Variants in ROCK1 observed in about 807,000 individuals in gnomAD.
ROCK1 encodes rho-associated protein kinase 1.
In ROCK1, 36 loss-of-function variants were observed where a neutral mutation model predicts 196.8. That is an observed-to-expected ratio of 0.18 (90% CI 0.14 to 0.24). The LOEUF (loss-of-function observed/expected upper bound fraction) is 0.24. ROCK1 is among the 10% of genes least tolerant of loss of function. The pLI, the probability that ROCK1 is intolerant of heterozygous loss-of-function variation, is 1.00. For synonymous variants in ROCK1, 443 were observed against 515.9 expected (o/e 0.86, Z 1.91); for missense variants, 920 against 1,562.0 (o/e 0.59, Z 6.93).
Position 21,008,051 on chromosome 18 carries a change from C to T in ROCK1, c.1546+8G>A, listed in dbSNP as rs191966887. On this transcript the variant is annotated splice_region_variant and intron_variant, in intron 14 of 32. Transcript: ENST00000399799. ...TTCTATCATTTTTCAAAAGTAGTGA[C>T]AATTTACCTTCATTTTCTACATTTC... The T allele has an allele frequency of 1.9e-5, 30 of 1,582,232 alleles. No individual in the cohort carries two copies. Among genetic ancestry groups the T allele is most frequent in the Non-Finnish European group, 2.5e-5 (29 of 1,165,116 alleles).
chr18:21,010,808 C>A (rs1420182935), intron 13 of ROCK1, among the ~76,000 whole-genome samples: 1 of 152,162 alleles, frequency 6.6e-6, no homozygotes, highest in African/African-American at 2.4e-5. Context: ...ATGGATTGGT[C>A]TATTTAACCT....
At chr18:21,063,365 C>G (rs1273287623) in intron 2 of ROCK1, among the ~76,000 whole-genome samples, 1 of 152,020 alleles carries the variant, frequency 6.6e-6, no homozygotes, top group African/African-American at 2.4e-5. Context: ...ATCCATGAAG[C>G]CTAGATAACC....
chr18:21,024,010 G>A (rs1156648382), intron 10 of ROCK1, among the ~76,000 whole-genome samples: 4 of 152,142 alleles, frequency 2.6e-5, no homozygotes, highest in Admixed American at 2.0e-4. Context: ...GGTCATGAGA[G>A]CAGGTTATGA....
chr18:20,954,153 AAAG>A (rs1312096769), intron 31 of ROCK1, among the ~76,000 whole-genome samples: 2 of 134,496 alleles, frequency 1.5e-5, no homozygotes, highest in East Asian at 4.1e-4. Flanking sequence ...TGCCAGACAA[AAAG>A]AAGAGGAAAA....
In ROCK1 at chr18:20,987,113, G is replaced by A. The variant is rs45474902; in HGVS notation, c.2144-3C>T. On this transcript the variant is annotated splice_region_variant and splice_polypyrimidine_tract_variant and intron_variant, in intron 18 of 32. Transcript: ENST00000399799. Reference sequence around the variant, plus strand: ...TTCTTTCAGCTTTTTTTCCATCTCTGGGAAAGCAAAAAGTTACAAACATAC... The same window carrying A: ...TTCTTTCAGCTTTTTTTCCATCTCTAGGAAAGCAAAAAGTTACAAACATAC... The A allele has an allele frequency of 4.4e-6, 7 of 1,608,852 alleles. No homozygotes were observed. Among genetic ancestry groups the A allele is most frequent in the Non-Finnish European group, 5.9e-6 (7 of 1,178,686 alleles).
At chr18:21,028,354 T>C (rs2035978692) in intron 10 of ROCK1, among the ~76,000 whole-genome samples, 1 of 151,830 alleles carries the variant, frequency 6.6e-6, no homozygotes, top group South Asian at 2.1e-4. Flanking sequence ...AGGTGGAGGT[T>C]GCAGTGAGCA....
At chr18:21,093,047 G>A (rs764381583) in intron 1 of ROCK1, among the ~76,000 whole-genome samples, 1 of 152,138 alleles carries the variant, frequency 6.6e-6, no homozygotes, top group African/African-American at 2.4e-5. Flanking sequence ...TCCAAGACTG[G>A]AGCACATGAT....
intron 9 of ROCK1, among the ~76,000 whole-genome samples, chr18:21,037,548 A>G (rs2036068004): frequency 6.6e-6 from 1 of 152,146 alleles, no homozygotes; most frequent in Non-Finnish European, 1.5e-5. Context: ...GGGGAAGGGA[A>G]GCAAAGAACA....
rs1269004051 is a variant in ROCK1 at position 20,959,164 on chromosome 18, TTATATAATATATATAATATTA to T, written c.3512+655_3512+675del. ...TTATATAAAATATATATATTATATATTATATAATATATATAATATTATATATAATATATATAATACATATAA... is the reference window on the plus strand; with the variant it reads ...TTATATAAAATATATATATTATATATTATATAATATATATAATACATATAA... On this transcript the variant is annotated intron_variant, in intron 29 of 32. Coordinates refer to ENST00000399799, the MANE Select transcript of ROCK1 (RefSeq NM_005406.3). Among the ~76,000 whole-genome samples, 302 of 72,744 alleles carry T rather than the reference TTATATAATATATATAATATTA, an allele frequency of 4.2e-3. 1 individual carries two copies. Among genetic ancestry groups the T allele is most frequent in the Middle Eastern group, 5.7e-3 (1 of 174 alleles). The allele number at this position is 72,744 out of a possible 152,430, so 47.7% of individuals were successfully genotyped here.
At chr18:20,986,656 T>C (rs2035580877) in intron 19 of ROCK1, among the ~76,000 whole-genome samples, 1 of 152,224 alleles carries the variant, frequency 6.6e-6, no homozygotes, top group South Asian at 2.1e-4. Flanking sequence ...ATAAAGACTT[T>C]TTTTTTCTTT....
intron 1 of ROCK1, among the ~76,000 whole-genome samples, chr18:21,086,111 A>AT (rs34919797): frequency 9.0e-6 from 1 of 111,114 alleles, no homozygotes; most frequent in East Asian, 2.5e-4. Context: ...TATGGAAATA[A>AT]TTTTTTTTTT....
At chr18:21,037,752 C>T (rs1238070191) in intron 9 of ROCK1, among the ~76,000 whole-genome samples, 1 of 152,092 alleles carries the variant, frequency 6.6e-6, no homozygotes, top group African/African-American at 2.4e-5. Context: ...TGCCACTGAT[C>T]TGGACTCCCT....
chr18:21,030,340 G>A (rs1261109534), intron 9 of ROCK1, among the ~76,000 whole-genome samples: 1 of 152,050 alleles, frequency 6.6e-6, no homozygotes, highest in Non-Finnish European at 1.5e-5. Context: ...TCATTAATGG[G>A]AAAAAAGGTG....
At chr18:21,016,883 C>T (rs117005850) in intron 12 of ROCK1, among the ~76,000 whole-genome samples, 3 of 151,488 alleles carry the variant, frequency 2.0e-5, no homozygotes, top group Non-Finnish European at 2.9e-5. Flanking sequence ...TTAGCCCCCC[C>T]GCAAAAAAAA....
At chr18:21,058,285 AC>A (rs1331031562) in intron 2 of ROCK1, among the ~76,000 whole-genome samples, 2 of 152,202 alleles carry the variant, frequency 1.3e-5, no homozygotes, top group Non-Finnish European at 1.5e-5. Context: ...AATGAAAAAA[AC>A]AAAAGATGTA....
intron 1 of ROCK1, among the ~76,000 whole-genome samples, chr18:21,096,074 C>T (rs967759881): frequency 2.0e-5 from 3 of 151,944 alleles, no homozygotes; most frequent in African/African-American, 4.8e-5. Context: ...ACTCCATTTA[C>T]CCTGATGTGA....
chr18:21,026,526 TAC>T (rs1226720635), intron 10 of ROCK1, among the ~76,000 whole-genome samples: 1 of 146,406 alleles, frequency 6.8e-6, no homozygotes, highest in Non-Finnish European at 1.5e-5. Context: ...GTTAATTGAA[TAC>T]AGTTATAATA....
chr18:20,990,159 G>T (rs2035611150), intron 18 of ROCK1, among the ~76,000 whole-genome samples: 1 of 152,122 alleles, frequency 6.6e-6, no homozygotes, highest in Non-Finnish European at 1.5e-5. Context: ...ACACTCAACT[G>T]CCTGAAGAAA....
rs1425432145 is a variant in ROCK1, at chr18:21,110,982, C to G, written c.-72G>C. On this transcript the variant is annotated 5_prime_UTR_variant, in exon 1 of 33. Transcript: ENST00000399799. ...AAGCAATTTCAACCAACTTCCTCCGCGGTGGGTTCGCAGCCGCGGGGCGGA... is the reference window on the plus strand; with the variant it reads ...AAGCAATTTCAACCAACTTCCTCCGGGGTGGGTTCGCAGCCGCGGGGCGGA... The G allele has an allele frequency of 6.1e-6, 8 of 1,303,158 alleles. No homozygotes were observed. Among genetic ancestry groups the G allele is most frequent in the Non-Finnish European group, 8.9e-6 (8 of 903,590 alleles). The allele number at this position is 1,303,158 out of a possible 1,614,324, so 80.7% of individuals were successfully genotyped here. A position where few individuals can be genotyped will look rare whatever the true frequency, so the allele number is the denominator to read the frequency against.
Sources: gnomAD v4.1 joint callset for allele counts (sites outside exome capture counted in the v4.1 genomes callset) on GRCh38, gnomAD v4.1.1 for gene constraint, MANE v1.5 for transcripts, NCBI Gene and HGNC (gene_info 2026-07-23, HGNC 2026-07-21) for gene names.